SNX24: variants seen among roughly 807,000 people sequenced by gnomAD.
SNX24 encodes sorting nexin 24.
A neutral mutation model predicts 28.7 loss-of-function variants in SNX24; 22 were observed. That is an observed-to-expected ratio of 0.77 (90% CI 0.55 to 1.10). The LOEUF is 1.10. Ranked by LOEUF, SNX24 falls within the 50% of genes least tolerant of loss-of-function variation. The pLI is 0.00. For missense variants in SNX24, 221 were observed against 201.1 expected, an observed-to-expected ratio of 1.10 and a Z score of -0.60; for synonymous variants, 69 against 71.5, an observed-to-expected ratio of 0.96 and a Z score of 0.18.
chr5:122,864,249 A>G (rs974531425), intron 1 of SNX24, among the ~76,000 whole-genome samples: 3 of 152,184 alleles, frequency 2.0e-5, no homozygotes, highest in East Asian at 1.9e-4. Context: ...GTGTTGGAAG[A>G]TGGTTGGATT....
At chr5:122,965,902 G>A (rs1004674859) in intron 3 of SNX24, among the ~76,000 whole-genome samples, 1 of 152,128 alleles carries the variant, frequency 6.6e-6, no homozygotes, top group Non-Finnish European at 1.5e-5. Flanking sequence ...TCAAAGAGTG[G>A]AGCCAGATTA....
chr5:123,016,850 C>T (rs1030873921), intron 5 of SNX24, among the ~76,000 whole-genome samples: 8 of 152,096 alleles, frequency 5.3e-5, no homozygotes, highest in African/African-American at 1.9e-4. Context: ...GGGAGCTCCA[C>T]GTGGCTGGAG....
At chr5:122,934,726 C>T (rs535473494) in intron 1 of SNX24, among the ~76,000 whole-genome samples, 163 of 152,292 alleles carry the variant, frequency 1.1e-3, no homozygotes, top group African/African-American at 3.9e-3. Flanking sequence ...AACTTCCTTT[C>T]CAAGATGTTT....
rs534484128 is a variant in SNX24, at chr5:122,960,843, C to T, written c.249+14684C>T. On this transcript the variant is annotated intron_variant, in intron 3 of 6. Coordinates refer to ENST00000261369, the MANE Select transcript of SNX24 (RefSeq NM_014035.4). ...ACTACATTTCAAAAGACTCAAAAGG[C>T]TGCTAGGATTTTGAGTCATGAAAAC... is the stretch of plus-strand genomic sequence containing the variant. Among the ~76,000 whole-genome samples the T allele has an allele frequency of 5.3e-5, 8 of 152,072 alleles. 1 individual carries two copies. Among genetic ancestry groups the T allele is most frequent in the South Asian group, 2.1e-4 (1 of 4,824 alleles).
Position 123,009,128 on chromosome 5 carries a change from A to C in SNX24, c.*1379A>C, listed in dbSNP as rs1325538121. The C allele has an allele frequency of 1.0e-6, 1 of 985,214 alleles. No individual in the cohort carries two copies. The highest frequency in any genetic ancestry group is 6.1e-5 in the Admixed American group (1 of 16,276). The allele number at this position is 985,214 out of a possible 1,614,324, so 61.0% of individuals were successfully genotyped here. On this transcript the variant is annotated 3_prime_UTR_variant, in exon 7 of 7. Transcript: ENST00000261369. ...TCAAATGTTGTCAACCAAAAGTAAT[A>C]GTTGGGTATTGGAGATTTTTTTAAA...
chr5:122,993,548 C>T (rs1761945402), intron 3 of SNX24, among the ~76,000 whole-genome samples: 1 of 152,156 alleles, frequency 6.6e-6, no homozygotes, highest in African/African-American at 2.4e-5. Flanking sequence ...GATCTGCCCG[C>T]CTCAGCCTCC....
At chr5:122,894,135 C>T (rs1436684280) in intron 1 of SNX24, among the ~76,000 whole-genome samples, 1 of 151,776 alleles carries the variant, frequency 6.6e-6, no homozygotes, top group East Asian at 1.9e-4. Flanking sequence ...TCCAAAACCT[C>T]TTGATTTAAA....
chr5:122,851,538 G>A (rs1581665867), intron 1 of SNX24, among the ~76,000 whole-genome samples: 1 of 152,156 alleles, frequency 6.6e-6, no homozygotes, highest in African/African-American at 2.4e-5. Flanking sequence ...AAGTACCTGC[G>A]TGACTGCATG....
intron 1 of SNX24, among the ~76,000 whole-genome samples, chr5:122,900,501 T>C (rs1757391955): frequency 1.3e-5 from 2 of 152,194 alleles, no homozygotes; most frequent in Admixed American, 1.3e-4. Context: ...GTGGAATGGC[T>C]CACACCTGTC....
rs147459757 is a variant in SNX24, at chr5:122,919,607, A to G, written c.61-17127A>G. On this transcript the variant is annotated intron_variant, in intron 1 of 6. Coordinates refer to ENST00000261369, the MANE Select transcript of SNX24 (RefSeq NM_014035.4). ...TTGCGTTTCAGAAAGCATATTAAAA[A>G]TATCCCAATGGTGGATTAACTCAGG... Among the ~76,000 whole-genome samples, 860 of 152,298 alleles carry G rather than the reference A, an allele frequency of 5.6e-3. 12 individuals carry two copies. The highest frequency in any genetic ancestry group is 0.019 in the African/African-American group (776 of 41,560).
intron 1 of SNX24, among the ~76,000 whole-genome samples, chr5:122,888,365 C>A (rs1451257017): frequency 6.6e-6 from 1 of 152,106 alleles, no homozygotes; most frequent in Non-Finnish European, 1.5e-5. Flanking sequence ...ACCTGACAGC[C>A]TGAGTTCAAG....
At chr5:122,936,376 T>C (rs968852343) in intron 1 of SNX24, among the ~76,000 whole-genome samples, 2 of 152,198 alleles carry the variant, frequency 1.3e-5, no homozygotes, top group Non-Finnish European at 2.9e-5. Flanking sequence ...TACCAGAGTA[T>C]TCCTCTTGTA....
chr5:122,922,957 T>A (rs1243932062), intron 1 of SNX24, among the ~76,000 whole-genome samples: 1 of 152,268 alleles, frequency 6.6e-6, no homozygotes, highest in East Asian at 1.9e-4. Context: ...ATCACATTTT[T>A]ACAGTGCAAC....
At chr5:122,904,900 T>A (rs1757584220) in intron 1 of SNX24, among the ~76,000 whole-genome samples, 1 of 152,172 alleles carries the variant, frequency 6.6e-6, no homozygotes, top group Non-Finnish European at 1.5e-5. Context: ...GCTCCAGACC[T>A]GTTTGGAGCG....
chr5:123,000,318 G>T (rs919356212), intron 4 of SNX24, among the ~76,000 whole-genome samples: 1 of 152,206 alleles, frequency 6.6e-6, no homozygotes, highest in African/African-American at 2.4e-5. Flanking sequence ...CTTGTTATGG[G>T]CTCATTTATT....
At chr5:122,862,403 CAGG>C (rs1164856426) in intron 1 of SNX24, among the ~76,000 whole-genome samples, 1 of 151,954 alleles carries the variant, frequency 6.6e-6, no homozygotes, top group Non-Finnish European at 1.5e-5. Flanking sequence ...ATCACGAGGT[CAGG>C]AGATCGAGAC....
At chr5:122,909,611 G>A (rs1029217408) in intron 1 of SNX24, among the ~76,000 whole-genome samples, 1 of 152,206 alleles carries the variant, frequency 6.6e-6, no homozygotes, top group Non-Finnish European at 1.5e-5. Flanking sequence ...GTAGAGGGCA[G>A]TGTTAAATCC....
intron 1 of SNX24, among the ~76,000 whole-genome samples, chr5:122,854,595 A>G (rs1467451622): frequency 6.6e-6 from 1 of 152,156 alleles, no homozygotes; most frequent in Admixed American, 6.6e-5. Flanking sequence ...CATTGAAAAA[A>G]ATATAAACAC....
intron 1 of SNX24, among the ~76,000 whole-genome samples, chr5:122,930,621 A>G (rs140203366): frequency 1.6e-4 from 25 of 152,226 alleles, no homozygotes; most frequent in African/African-American, 6.0e-4. Context: ...TTTCCAGCTT[A>G]AGAAAGTTGG....
Sources: gnomAD v4.1 joint callset for allele counts (sites outside exome capture counted in the v4.1 genomes callset) on GRCh38, gnomAD v4.1.1 for gene constraint, MANE v1.5 for transcripts, NCBI Gene and HGNC (gene_info 2026-07-23, HGNC 2026-07-21) for gene names.